The following CSMD1 variants were observed in gnomAD, a reference collection of about 807,000 sequenced individuals.
The protein encoded by CSMD1 is CUB and Sushi multiple domains 1.
Under a neutral mutation model 417.5 loss-of-function variants are expected in CSMD1, and 213 were observed. That is an observed-to-expected ratio of 0.51 (90% confidence interval 0.46 to 0.57). The LOEUF (loss-of-function observed/expected upper bound fraction) is 0.57. Ranked by LOEUF, CSMD1 falls within the 20% of genes least tolerant of loss-of-function variation. The pLI is 0.00. For missense variants in CSMD1, 6,923 were observed against 4,529.7 expected (o/e 1.53, Z -15.17); for synonymous variants, 2,862 against 1,736.8 (o/e 1.65, Z -16.11).
intron 26 of CSMD1, among the ~76,000 whole-genome samples, chr8:3,247,333 C>A (rs1010958979): frequency 6.6e-6 from 1 of 152,156 alleles, no homozygotes; most frequent in Non-Finnish European, 1.5e-5. Context: ...ACTCCTCCTG[C>A]TCCTGGCCCC....
intron 1 of CSMD1, among the ~76,000 whole-genome samples, chr8:4,870,972 A>G (rs1327145005): frequency 6.6e-6 from 1 of 152,092 alleles, no homozygotes; most frequent in Non-Finnish European, 1.5e-5. Flanking sequence ...GAGAAGAGTC[A>G]GGGACTCAGG....
intron 6 of CSMD1, among the ~76,000 whole-genome samples, chr8:3,744,807 T>G (rs533476443): frequency 2.8e-4 from 28 of 99,432 alleles, no homozygotes; most frequent in African/African-American, 6.5e-4. Context: ...CATTCTTATT[T>G]ATTTTGTTTC....
intron 1 of CSMD1, among the ~76,000 whole-genome samples, chr8:4,764,129 C>G (rs559139185): frequency 3.9e-5 from 6 of 152,114 alleles, no homozygotes; most frequent in Admixed American, 2.0e-4. Context: ...TATGAGATTT[C>G]GCATTATTCT....
chr8:4,794,316 G>C (rs1797857549), intron 1 of CSMD1, among the ~76,000 whole-genome samples: 1 of 152,126 alleles, frequency 6.6e-6, no homozygotes, highest in South Asian at 2.1e-4. Context: ...TTAAAAGAAG[G>C]TCTCTGCATT....
intron 3 of CSMD1, among the ~76,000 whole-genome samples, chr8:4,045,559 A>G (rs1380020906): frequency 1.3e-5 from 2 of 152,222 alleles, no homozygotes; most frequent in East Asian, 1.9e-4. Context: ...CAGCTCAGAA[A>G]GAGGATGTGC....
chr8:4,139,375 G>C (rs913024438), intron 3 of CSMD1, among the ~76,000 whole-genome samples: 1 of 152,088 alleles, frequency 6.6e-6, no homozygotes, highest in Non-Finnish European at 1.5e-5. Flanking sequence ...TATCACAGTG[G>C]TGTTTGAGCT....
intron 2 of CSMD1, among the ~76,000 whole-genome samples, chr8:4,478,872 A>C (rs922374759): frequency 4.6e-5 from 7 of 152,218 alleles, no homozygotes; most frequent in Non-Finnish European, 8.8e-5. Context: ...AAACAGGGCT[A>C]GACTTAAAAA....
intron 41 of CSMD1, among the ~76,000 whole-genome samples, chr8:3,142,095 C>A (rs1198448261): frequency 6.6e-6 from 1 of 152,204 alleles, no homozygotes; most frequent in East Asian, 1.9e-4. Flanking sequence ...CCGCGCCCGG[C>A]CGCCAAATTA....
At chr8:3,246,624 G>A (rs1319013263) in intron 26 of CSMD1, among the ~76,000 whole-genome samples, 1 of 151,998 alleles carries the variant, frequency 6.6e-6, no homozygotes, top group Non-Finnish European at 1.5e-5. Flanking sequence ...GGCATGTGCT[G>A]CCCTACCCAG....
Position 4,443,436 on chromosome 8 carries a change from C to G in CSMD1, c.303-23371G>C, listed in dbSNP as rs376115206. Among the ~76,000 whole-genome samples the G allele has an allele frequency of 2.6e-5, 4 of 152,278 alleles. No individual in the cohort carries two copies. In the East Asian group the frequency reaches 7.7e-4, roughly 29 times the overall value. On this transcript the variant is annotated intron_variant, in intron 2 of 69. Coordinates refer to ENST00000635120, the MANE Select transcript of CSMD1 (RefSeq NM_033225.6). Reference sequence around the variant, plus strand: ...GCAACAATCTTTATTCATTATTCAACAACACTGAATTGTATGATGCAATCA... The same window carrying G: ...GCAACAATCTTTATTCATTATTCAAGAACACTGAATTGTATGATGCAATCA...
chr8:3,985,458 C>G (rs1351951249), intron 5 of CSMD1, among the ~76,000 whole-genome samples: 1 of 152,162 alleles, frequency 6.6e-6, no homozygotes, highest in Non-Finnish European at 1.5e-5. Context: ...CGTGCACACT[C>G]ACACATTTTA....
intron 3 of CSMD1, among the ~76,000 whole-genome samples, chr8:4,350,528 A>T (rs560284593): frequency 1.1e-3 from 171 of 152,326 alleles, no homozygotes; most frequent in African/African-American, 3.6e-3. Flanking sequence ...AGCCTGAAGG[A>T]GGTAGGAATG....
rs112010809 is a variant in CSMD1, at chr8:4,439,442, T to G, written c.303-19377A>C. Among the ~76,000 whole-genome samples the G allele has an allele frequency of 7.1e-3, 1,074 of 151,752 alleles. 12 individuals are homozygous for G. The highest frequency in any genetic ancestry group is 0.024 in the African/African-American group (1,002 of 41,036). On this transcript the variant is annotated intron_variant, in intron 2 of 69. Transcript: ENST00000635120. The stretch of plus-strand genomic sequence containing the variant: ...ATTTAATAATGTAATGATTTTCATC[T>G]AACTTTTTCCTAACATTCTTATGTT...
At chr8:3,072,422 C>T (rs2128998980) in intron 49 of CSMD1, among the ~76,000 whole-genome samples, 1 of 152,148 alleles carries the variant, frequency 6.6e-6, no homozygotes, top group South Asian at 2.1e-4. Flanking sequence ...TTTTTTAAAC[C>T]AGTCATAGAA....
At position 4,415,160 on chromosome 8, in the gene CSMD1, G is replaced by A. The variant is rs577142205; in HGVS notation, c.415+4793C>T. Reference sequence around the variant, plus strand: ...TCTACCCTTCAGATAGGGCAGAAAGGCTCAGCTCCAGGCTCTCTGAGCTCC... The same window carrying A: ...TCTACCCTTCAGATAGGGCAGAAAGACTCAGCTCCAGGCTCTCTGAGCTCC... On this transcript the variant is annotated intron_variant, in intron 3 of 69. Transcript: ENST00000635120. Among the ~76,000 whole-genome samples the A allele has an allele frequency of 2.5e-4, 38 of 152,118 alleles. 2 individuals are homozygous for A. In the South Asian group the frequency reaches 7.3e-3, roughly 29 times the overall value.
intron 3 of CSMD1, among the ~76,000 whole-genome samples, chr8:4,033,219 T>C (rs1469291493): frequency 1.4e-5 from 2 of 145,288 alleles, no homozygotes; most frequent in African/African-American, 2.6e-5. Flanking sequence ...GGCAGGAGGA[T>C]CGTGAGGTCA....
At chr8:3,933,361 C>T (rs1159386958) in intron 5 of CSMD1, among the ~76,000 whole-genome samples, 1 of 152,174 alleles carries the variant, frequency 6.6e-6, no homozygotes, top group Non-Finnish European at 1.5e-5. Context: ...TTTTTGGCGA[C>T]ATTTCAGTTT....
intron 1 of CSMD1, among the ~76,000 whole-genome samples, chr8:4,981,672 G>C (rs983273105): frequency 2.6e-5 from 4 of 152,184 alleles, no homozygotes; most frequent in Non-Finnish European, 5.9e-5. Context: ...CTAGAAGAGT[G>C]TGTGGTGAAC....
chr8:3,029,578 T>C, intron 50 of CSMD1, 65 bp from the exon 51 acceptor site: 1 of 1,406,386 alleles, frequency 7.1e-7, no homozygotes, highest in Non-Finnish European at 9.7e-7. Flanking sequence ...CCGTGCTTGC[T>C]TTGGATGGCA....
Sources: allele counts gnomAD v4.1 joint callset (sites outside exome capture counted in the v4.1 genomes callset), GRCh38; gene constraint gnomAD v4.1.1; transcripts MANE v1.5; gene names NCBI Gene and HGNC (gene_info 2026-07-23, HGNC 2026-07-21).